The following UNKL variants were observed in gnomAD, a reference collection of about 807,000 sequenced individuals.
The protein encoded by UNKL is unk like zinc finger.
Under a neutral mutation model 78.0 loss-of-function variants are expected in UNKL, and 60 were observed. That is an observed-to-expected ratio of 0.77 (90% confidence interval 0.63 to 0.95). The LOEUF is 0.95. UNKL is among the 40% of genes least tolerant of loss of function. UNKL has a pLI of 0.00. For missense variants in UNKL, 1,159 were observed against 1,045.7 expected, an observed-to-expected ratio of 1.11 and a Z score of -1.49; for synonymous variants, 608 against 474.8, an observed-to-expected ratio of 1.28 and a Z score of -3.65.
intron 10 of UNKL, among the ~76,000 whole-genome samples, chr16:1,375,210 C>T (rs1216556121): frequency 2.0e-5 from 3 of 152,218 alleles, no homozygotes; most frequent in South Asian, 2.1e-4. Flanking sequence ...GTGGACGTGG[C>T]GCAGCTGGCA....
intron 2 of UNKL, among the ~76,000 whole-genome samples, chr16:1,408,064 C>A (rs973011829): frequency 3.9e-5 from 6 of 152,090 alleles, no homozygotes; most frequent in African/African-American, 9.7e-5. Flanking sequence ...AAGATCGAGC[C>A]ACGGCACTCC....
chr16:1,372,854 A>ACCGCACAGAGAC (rs2035971323), intron 10 of UNKL, among the ~76,000 whole-genome samples: 9 of 141,942 alleles, frequency 6.3e-5, no homozygotes, highest in Non-Finnish European at 9.4e-5. Context: ...GCCGGCCTAC[A>ACCGCACAGAGAC]CTGCACAGAG....
rs143613868 is a variant in UNKL at position 1,399,998 on chromosome 16, G to A, written c.599-489C>T. Reference sequence around the variant, plus strand: ...TGTGGGTTCACTGTTGGTAAAGAGCGTACCTCGCAGTGCAGGAGGTGCACG... The same window carrying A: ...TGTGGGTTCACTGTTGGTAAAGAGCATACCTCGCAGTGCAGGAGGTGCACG... On this transcript the variant is annotated intron_variant, in intron 4 of 14. Coordinates refer to ENST00000389221, the MANE Select transcript of UNKL (RefSeq NM_001372107.1). This position sits in a 1 kb window ranked among gnomAD's most constrained non-coding sequence, Gnocchi z 5.8. Among the ~76,000 whole-genome samples, 527 of 152,322 alleles carry A rather than the reference G, an allele frequency of 3.5e-3. 6 individuals carry two copies. The highest frequency in any genetic ancestry group is 0.012 in the African/African-American group (498 of 41,568).
rs764487487 is a variant in UNKL at position 1,367,273 on chromosome 16, G to A, written c.1865C>T (p.Ala622Val). 1.6e-5 allele frequency: 25 copies of A among 1,572,972 alleles called. No individual in the cohort carries two copies. The highest frequency in any genetic ancestry group is 1.9e-5 in the Non-Finnish European group (22 of 1,163,868). Reference protein sequence around the residue: ...ARVADSDRQLALQKKEEVEAQ... With the variant: ...ARVADSDRQLVLQKKEEVEAQ... The stretch of plus-strand genomic sequence containing the variant: ...CTCCACCTCCTCCTTCTTCTGCAGC[G>A]CCAGCTGCCGGTCGCTATCGGCCAC... Residue 622 changes from alanine (A) to valine (V), a missense_variant, in exon 14 of 15, where the codon GCG becomes GTG. By Grantham distance (64) the Ala-to-Val change is moderately conservative. Coordinates refer to ENST00000389221, the MANE Select transcript of UNKL (RefSeq NM_001372107.1).
chr16:1,402,786 C>T (rs1037803733), intron 3 of UNKL, among the ~76,000 whole-genome samples: 1 of 151,364 alleles, frequency 6.6e-6, no homozygotes, highest in Non-Finnish European at 1.5e-5. Flanking sequence ...AAATCGAGAC[C>T]ATCCTGACTA....
At chr16:1,394,728 T>A (rs6600139) in intron 6 of UNKL, among the ~76,000 whole-genome samples, 1 of 152,112 alleles carries the variant, frequency 6.6e-6, no homozygotes, top group Non-Finnish European at 1.5e-5. Context: ...TAGCTCTCCG[T>A]AAAGGACACG....
At chr16:1,369,883 G>A (rs1191881539) in intron 12 of UNKL, 3 of 1,470,778 alleles carry the variant, frequency 2.0e-6, no homozygotes, top group Non-Finnish European at 2.8e-6. Context: ...GCTGAGGCAG[G>A]AGAATTGCTT....
At position 1,387,647 on chromosome 16, in the gene UNKL, C is replaced by T. The variant is rs896752411; in HGVS notation, c.1087-2262G>A. Among the ~76,000 whole-genome samples, 1 of 152,186 alleles carries T rather than the reference C, an allele frequency of 6.6e-6. No homozygotes were observed. The highest frequency in any genetic ancestry group is 1.5e-5 in the Non-Finnish European group (1 of 68,020). ...GTGGGGCGGTCTGCTGAGCTCACCG[C>T]ATCCAGCAGCTATCACTCAGAACCA... is the stretch of plus-strand genomic sequence containing the variant. On this transcript the variant is annotated intron_variant, in intron 9 of 14. Coordinates refer to ENST00000389221, the MANE Select transcript of UNKL (RefSeq NM_001372107.1). This position sits in a 1 kb window ranked among gnomAD's most constrained non-coding sequence, Gnocchi z 4.1.
chr16:1,399,045 C>T lies in UNKL; in HGVS notation c.734+329G>A. On this transcript the variant is annotated intron_variant, in intron 5 of 14. Coordinates refer to ENST00000389221, the MANE Select transcript of UNKL (RefSeq NM_001372107.1). The surrounding 1 kb of genome is among the most constrained non-coding windows in gnomAD (Gnocchi z 5.8). Reference sequence around the variant, plus strand: ...CACAGGCTGGAGAGCGTGGCTGCAACCAGAGGCACGGGTGGGGCACACGGG... The same window carrying T: ...CACAGGCTGGAGAGCGTGGCTGCAATCAGAGGCACGGGTGGGGCACACGGG... 1 of 1,420,502 alleles carries T rather than the reference C, an allele frequency of 7.0e-7. No homozygotes were observed. The highest frequency in any genetic ancestry group is 9.3e-7 in the Non-Finnish European group (1 of 1,080,058). 88.0% of individuals were successfully genotyped at this position (1,420,502 alleles called of 1,614,324 possible). A position where few individuals can be genotyped will look rare whatever the true frequency, so the allele number is the denominator to read the frequency against.
rs899713613 is a variant in UNKL at position 1,363,535 on chromosome 16, G to A, written c.*2705C>T. The A allele has an allele frequency of 3.2e-5, 8 of 249,866 alleles. No individual in the cohort carries two copies. The East Asian group carries it at 5.7e-4, about 18-fold the overall frequency. 15.5% of individuals were successfully genotyped at this position (249,866 alleles called of 1,614,324 possible). A position where few individuals can be genotyped will look rare whatever the true frequency, so the allele number is the denominator to read the frequency against. ...AATGTCGAACACTAGAGTTACAGACGACAGGCAACAAGAACATGCAGAGCC... is the reference window on the plus strand; with the variant it reads ...AATGTCGAACACTAGAGTTACAGACAACAGGCAACAAGAACATGCAGAGCC... On this transcript the variant is annotated 3_prime_UTR_variant, in exon 15 of 15. Transcript: ENST00000389221.
chr16:1,392,331 G>C (rs576201928), intron 8 of UNKL, among the ~76,000 whole-genome samples: 8 of 152,172 alleles, frequency 5.3e-5, no homozygotes. Context: ...ACCAGGAGGA[G>C]AGACTGCAGA....
chr16:1,369,054 A>AATTT (rs2035552683), intron 12 of UNKL, among the ~76,000 whole-genome samples: 1 of 70,504 alleles, frequency 1.4e-5, no homozygotes, highest in Non-Finnish European at 2.9e-5. Flanking sequence ...CCAAAGTATT[A>AATTT]GTTTTTTTTT....
chr16:1,412,916 G>T (rs900712416), intron 2 of UNKL, among the ~76,000 whole-genome samples: 6 of 152,092 alleles, frequency 3.9e-5, no homozygotes, highest in Non-Finnish European at 8.8e-5. Context: ...AAGGCACTTG[G>T]CCAGAGGTTG....
rs558509655 is a variant in UNKL at position 1,377,746 on chromosome 16, C to T, written c.1265-6135G>A. Among the ~76,000 whole-genome samples, 42 of 152,296 alleles carry T rather than the reference C, an allele frequency of 2.8e-4. 1 individual carries two copies. In the South Asian group the frequency reaches 8.3e-3, roughly 30 times the overall value. Reference sequence around the variant, plus strand: ...ATGTCCAGCAGGGGCCAAAGCCCTTCCTCCTCCCTGGCAAAGGATCCCTTG... The same window carrying T: ...ATGTCCAGCAGGGGCCAAAGCCCTTTCTCCTCCCTGGCAAAGGATCCCTTG... On this transcript the variant is annotated intron_variant, in intron 10 of 14. Transcript: ENST00000389221.
At position 1,413,754 on chromosome 16, in the gene UNKL, C is replaced by A; in HGVS notation, c.287+92G>T. ...TCCCTCTGCAGGGGCCAGGTATGGACACTAAGGCGTCCGCTGAGGGTCCCG... is the reference window on the plus strand; with the variant it reads ...TCCCTCTGCAGGGGCCAGGTATGGAAACTAAGGCGTCCGCTGAGGGTCCCG... On this transcript the variant is annotated intron_variant, in intron 2 of 14. Transcript: ENST00000389221. The A allele has an allele frequency of 2.2e-6, 3 of 1,370,562 alleles. 1 individual carries two copies. The South Asian group carries it at 4.4e-5, about 20-fold the overall frequency. 84.9% of individuals were successfully genotyped at this position (1,370,562 alleles called of 1,614,324 possible). A position where few individuals can be genotyped will look rare whatever the true frequency, so the allele number is the denominator to read the frequency against.
At chr16:1,383,744 C>T (rs2036700202) in intron 10 of UNKL, 1 of 415,374 alleles carries the variant, frequency 2.4e-6, no homozygotes, top group South Asian at 1.6e-5. Flanking sequence ...GGGCCGCCGC[C>T]CACATTGACG....
chr16:1,396,504 G>T lies in UNKL; in HGVS notation c.852+674C>A, dbSNP rs570235260. Among the ~76,000 whole-genome samples, 27 of 150,324 alleles carry T rather than the reference G, an allele frequency of 1.8e-4. 1 individual carries two copies. The South Asian group carries it at 2.9e-3, about 16-fold the overall frequency. On this transcript the variant is annotated intron_variant, in intron 6 of 14. Transcript: ENST00000389221. ...TTGACCAGGCTGGTTTCGAACCCCT[G>T]ACCTCAAGTGATTTGCCCGCCTCTG...
At chr16:1,388,660 T>A (rs2036916973) in intron 9 of UNKL, among the ~76,000 whole-genome samples, 1 of 152,024 alleles carries the variant, frequency 6.6e-6, no homozygotes, top group South Asian at 2.1e-4. Context: ...TGGGAGTCCA[T>A]CCACATGAGG....
chr16:1,375,850 C>T (rs1005724650), intron 10 of UNKL, among the ~76,000 whole-genome samples: 1 of 152,200 alleles, frequency 6.6e-6, no homozygotes, highest in South Asian at 2.1e-4. Context: ...CGGACATCCA[C>T]CCTGGCCTGC....
Sources: gnomAD v4.1 joint callset for allele counts (sites outside exome capture counted in the v4.1 genomes callset) on GRCh38, gnomAD v4.1.1 for gene constraint, Gnocchi (gnomAD v3.1) non-coding constraint, MANE v1.5 for transcripts, NCBI Gene and HGNC (gene_info 2026-07-23, HGNC 2026-07-21) for gene names.